CCDC7: variants seen among roughly 807,000 people sequenced by gnomAD.
The protein encoded by CCDC7 is coiled-coil domain containing 7.
A neutral mutation model predicts 196.9 loss-of-function variants in CCDC7; 183 were observed. The observed-to-expected ratio is 0.93, with a 90% CI of 0.82 to 1.05. The LOEUF is 1.05. CCDC7 is among the 50% of genes least tolerant of loss of function. CCDC7 has a pLI of 0.00. For missense variants in CCDC7, 1,540 were observed against 1,482.2 expected (o/e 1.04, Z -0.64); for synonymous variants, 525 against 484.6 (o/e 1.08, Z -1.10).
chr10:32,606,602 A>G (rs2061582011), intron 18 of CCDC7, among the ~76,000 whole-genome samples: 1 of 152,250 alleles, frequency 6.6e-6, no homozygotes, highest in Non-Finnish European at 1.5e-5. Context: ...GATTTGGGAC[A>G]TGGAGTCAAA....
chr10:32,695,083 A>G (rs1379327305), intron 24 of CCDC7, 91 bp downstream of exon 25: 1 of 557,160 alleles, frequency 1.8e-6, no homozygotes, highest in East Asian at 3.3e-5. Context: ...AGTTGAGCAT[A>G]TAGTTTATGG....
intron 8 of CCDC7, among the ~76,000 whole-genome samples, 187 bp downstream of exon 9, chr10:32,474,210 C>CTTTTTTTTTTTTTTT (rs71027095): frequency 1.7e-5 from 1 of 58,956 alleles, no homozygotes; most frequent in African/African-American, 6.2e-5. Flanking sequence ...AAACTAGATT[C>CTTTTTTTTTTTTTTT]TTTTTTTTTT....
At chr10:32,818,538 C>T (rs1225765215) in intron 31 of CCDC7, among the ~76,000 whole-genome samples, 3 of 150,782 alleles carry the variant, frequency 2.0e-5, no homozygotes, top group Non-Finnish European at 3.0e-5. Flanking sequence ...AATATACATT[C>T]TTTTCAGCAC....
intron 26 of CCDC7, 64 bp downstream of exon 27, chr10:32,726,896 G>T: frequency 1.0e-6 from 1 of 979,816 alleles, no homozygotes; most frequent in Non-Finnish European, 1.5e-6. Context: ...GAAGATCTTT[G>T]CCTTTGATTC....
rs559168630 is a variant in CCDC7, at chr10:32,853,583, T to C, written c.4022-817T>C. On this transcript the variant is annotated intron_variant, in intron 40 of 41. Transcript: ENST00000639629. ...CCTTCTGCTTTTAATGTCAGCATTTTTCCTCCAAATAAGCAGGTGTTGAAA... is the reference window on the plus strand; with the variant it reads ...CCTTCTGCTTTTAATGTCAGCATTTCTCCTCCAAATAAGCAGGTGTTGAAA... Among the ~76,000 whole-genome samples, 18 of 152,326 alleles carry C rather than the reference T, an allele frequency of 1.2e-4. No homozygotes were observed. The South Asian group carries it at 3.7e-3, about 32-fold the overall frequency.
At chr10:32,833,370 A>T (rs909930207) in intron 32 of CCDC7, among the ~76,000 whole-genome samples, 6 of 151,198 alleles carry the variant, frequency 4.0e-5, no homozygotes, top group Non-Finnish European at 7.4e-5. Context: ...AAAAAAAAGA[A>T]AGCTCAATAA....
intron 20 of CCDC7, among the ~76,000 whole-genome samples, chr10:32,660,717 A>C (rs1393028853): frequency 6.6e-6 from 1 of 152,144 alleles, no homozygotes; most frequent in Non-Finnish European, 1.5e-5. Flanking sequence ...AAAAACAAGC[A>C]ATGGGGAAAG....
chr10:32,825,250 G>A (rs1295326053), intron 32 of CCDC7, among the ~76,000 whole-genome samples: 2 of 152,188 alleles, frequency 1.3e-5, no homozygotes, highest in African/African-American at 4.8e-5. Context: ...CAATTTGATT[G>A]GATTGAAGGA....
At chr10:32,728,286 T>A (rs1011453744) in intron 26 of CCDC7, among the ~76,000 whole-genome samples, 3 of 152,160 alleles carry the variant, frequency 2.0e-5, no homozygotes, top group Non-Finnish European at 4.4e-5. Context: ...AAATCCCTTA[T>A]AATTTAACCA....
At chr10:32,546,484 A>G (rs1298239212) in intron 13 of CCDC7, among the ~76,000 whole-genome samples, 1 of 152,226 alleles carries the variant, frequency 6.6e-6, no homozygotes, top group Non-Finnish European at 1.5e-5. Context: ...CTTAACAACC[A>G]TCTAGCATTA....
chr10:32,567,894 G>A lies in CCDC7; in HGVS notation c.1419+3G>A. The A allele has an allele frequency of 6.2e-7, 1 of 1,609,254 alleles. No individual in the cohort carries two copies. The highest frequency in any genetic ancestry group is 8.5e-7 in the Non-Finnish European group (1 of 1,178,590). ...ATAAAATCCAAGAATATCCACAGGT[G>A]AGGAAATAACCAAAATGGAGACAGT... On this transcript the variant is annotated splice_donor_region_variant and intron_variant, in intron 15 of 41. Coordinates refer to ENST00000639629, the Ensembl canonical transcript of CCDC7.
chr10:32,466,375 T>C (rs895659858), intron 5 of CCDC7, among the ~76,000 whole-genome samples: 1 of 151,922 alleles, frequency 6.6e-6, no homozygotes, highest in Non-Finnish European at 1.5e-5. Context: ...CACCCACATA[T>C]TAAGCCCAGT....
chr10:32,546,939 C>G (rs2052563932), intron 13 of CCDC7, among the ~76,000 whole-genome samples: 1 of 152,142 alleles, frequency 6.6e-6, no homozygotes, highest in Non-Finnish European at 1.5e-5. Flanking sequence ...CAGTTTCCTG[C>G]CACATGGTCT....
Position 32,787,031 on chromosome 10 carries a change from G to C in CCDC7, c.3013+7947G>C, listed in dbSNP as rs2081996417. ...TGTGATTATTAAGTCTGAGAAGCAG[G>C]AATAAAAACGAAGGAAAGGGAAGGG... On this transcript the variant is annotated intron_variant, in intron 29 of 41. Transcript: ENST00000639629. Among the ~76,000 whole-genome samples, 3 of 152,064 alleles carry C rather than the reference G, an allele frequency of 2.0e-5. No homozygotes were observed. In the South Asian group the frequency reaches 6.2e-4, roughly 32 times the overall value.
At chr10:32,627,015 G>T (rs1429467027) in intron 18 of CCDC7, among the ~76,000 whole-genome samples, 5 of 133,348 alleles carry the variant, frequency 3.7e-5, no homozygotes, top group Non-Finnish European at 8.0e-5. Context: ...TTTTGTTCAT[G>T]ATTGCCTTGG....
chr10:32,757,542 C>G (rs2076670690), intron 28 of CCDC7, among the ~76,000 whole-genome samples: 1 of 152,214 alleles, frequency 6.6e-6, no homozygotes, highest in African/African-American at 2.4e-5. Flanking sequence ...TAAAGATGTT[C>G]TTTGAAACCA....
chr10:32,466,156 C>A (rs1371551266), intron 5 of CCDC7, among the ~76,000 whole-genome samples: 1 of 152,022 alleles, frequency 6.6e-6, no homozygotes, highest in African/African-American at 2.4e-5. Flanking sequence ...AATGTTTAAA[C>A]CCATAATTAC....
chr10:32,831,418 A>T (rs1468060024), intron 32 of CCDC7, among the ~76,000 whole-genome samples: 3 of 152,194 alleles, frequency 2.0e-5, no homozygotes, highest in African/African-American at 7.2e-5. Flanking sequence ...ATTTATTTTT[A>T]AAAATCTTTC....
chr10:32,588,406 T>A (rs1387150678), intron 18 of CCDC7, among the ~76,000 whole-genome samples: 1 of 152,078 alleles, frequency 6.6e-6, no homozygotes, highest in African/African-American at 2.4e-5. Context: ...TTGCATCAAT[T>A]GAGATGAGAT....
Sources: gnomAD v4.1 joint callset for allele counts (sites outside exome capture counted in the v4.1 genomes callset) on GRCh38, gnomAD v4.1.1 for gene constraint, MANE v1.5 for transcripts, NCBI Gene and HGNC (gene_info 2026-07-23, HGNC 2026-07-21) for gene names.